ADAMTS6: variants seen among roughly 807,000 people sequenced by gnomAD.
The protein encoded by ADAMTS6 is ADAM metallopeptidase with thrombospondin type 1 motif 6, also known as A disintegrin and metalloproteinase with thrombospondin motifs 6.
Under a neutral mutation model 144.3 loss-of-function variants are expected in ADAMTS6, and 23 were observed. That is an observed-to-expected ratio of 0.16 (90% CI 0.11 to 0.23). The LOEUF (loss-of-function observed/expected upper bound fraction) is 0.23, where lower values mean the gene tolerates loss of function less well. Ranked by LOEUF, ADAMTS6 falls within the 10% of genes least tolerant of loss-of-function variation. ADAMTS6 has a pLI of 1.00. For missense variants in ADAMTS6, 999 were observed against 1,379.6 expected (o/e 0.72, Z 4.37); for synonymous variants, 444 against 457.5 (o/e 0.97, Z 0.38).
intron 11 of ADAMTS6, among the ~76,000 whole-genome samples, chr5:65,284,318 T>C (rs1763203723): frequency 6.6e-6 from 1 of 152,036 alleles, no homozygotes; most frequent in Non-Finnish European, 1.5e-5. Flanking sequence ...AAGAGCTATA[T>C]TCAGGTAGGC....
chr5:65,156,795 G>C (rs139396533), intron 24 of ADAMTS6, among the ~76,000 whole-genome samples: 1 of 152,262 alleles, frequency 6.6e-6, no homozygotes, highest in African/African-American at 2.4e-5. Context: ...TTTTCTCTTC[G>C]ACTATCATCA....
intron 12 of ADAMTS6, among the ~76,000 whole-genome samples, chr5:65,270,144 G>A (rs1164024134): frequency 1.3e-5 from 2 of 152,148 alleles, no homozygotes; most frequent in Non-Finnish European, 2.9e-5. Context: ...TTACTGGGAT[G>A]TCAATTATTT....
chr5:65,393,838 G>A (rs1753117289), intron 7 of ADAMTS6, among the ~76,000 whole-genome samples: 1 of 152,164 alleles, frequency 6.6e-6, no homozygotes, highest in Admixed American at 6.5e-5. Context: ...AGGTTTAAGA[G>A]GATATAAAAA....
At chr5:65,177,550 C>G (rs1458781250) in intron 22 of ADAMTS6, among the ~76,000 whole-genome samples, 1 of 152,130 alleles carries the variant, frequency 6.6e-6, no homozygotes, top group Non-Finnish European at 1.5e-5. Flanking sequence ...TCTTGCCCCC[C>G]AATGTAGAGC....
intron 18 of ADAMTS6, among the ~76,000 whole-genome samples, chr5:65,217,038 C>T (rs756026264): frequency 6.6e-6 from 1 of 152,156 alleles, no homozygotes. Context: ...GTCCTTCATA[C>T]TACAGACCAT....
intron 7 of ADAMTS6, 77 bp from the exon 8 acceptor site, chr5:65,334,162 T>C: frequency 7.0e-7 from 1 of 1,426,684 alleles, no homozygotes. Context: ...CATACTTCTC[T>C]CCTGAAGTTG....
chr5:65,237,264 G>A (rs899650370), intron 15 of ADAMTS6, among the ~76,000 whole-genome samples: 4 of 151,338 alleles, frequency 2.6e-5, no homozygotes, highest in South Asian at 2.1e-4. Context: ...TTTGCCCAGC[G>A]TGGTGCCTAG....
intron 20 of ADAMTS6, among the ~76,000 whole-genome samples, chr5:65,197,632 C>G (rs980341484): frequency 1.3e-5 from 2 of 152,208 alleles, no homozygotes; most frequent in Admixed American, 6.5e-5. Flanking sequence ...GAATACATCA[C>G]ATCCACACAT....
intron 15 of ADAMTS6, among the ~76,000 whole-genome samples, chr5:65,228,001 C>T (rs969478387): frequency 1.3e-5 from 2 of 151,892 alleles, no homozygotes; most frequent in South Asian, 2.1e-4. Flanking sequence ...TGATTTTTAG[C>T]GTTAGGTTAA....
chr5:65,215,191 C>G, intron 19 of ADAMTS6, 133 bp downstream of exon 19: 8 of 1,157,468 alleles, frequency 6.9e-6, no homozygotes, highest in African/African-American at 1.6e-5. Flanking sequence ...CTCTAACACC[C>G]TTGGGTAAAT....
At chr5:65,152,835 T>C (rs1752208699) in intron 24 of ADAMTS6, among the ~76,000 whole-genome samples, 1 of 152,220 alleles carries the variant, frequency 6.6e-6, no homozygotes, top group South Asian at 2.1e-4. Context: ...GTCACTTTTG[T>C]TTGGAGACTT....
intron 7 of ADAMTS6, among the ~76,000 whole-genome samples, chr5:65,338,987 C>A (rs1228666885): frequency 6.6e-6 from 1 of 152,154 alleles, no homozygotes; most frequent in Non-Finnish European, 1.5e-5. Context: ...ATGTCCTGGA[C>A]CTGAGAAATA....
At chr5:65,458,454 C>T (rs561837363) in intron 4 of ADAMTS6, among the ~76,000 whole-genome samples, 1 of 152,324 alleles carries the variant, frequency 6.6e-6, no homozygotes, top group Non-Finnish European at 1.5e-5. Flanking sequence ...CTCTGTCACC[C>T]TGGCTGGAGT....
chr5:65,202,087 G>C (rs1015110404), intron 20 of ADAMTS6, among the ~76,000 whole-genome samples: 4 of 152,162 alleles, frequency 2.6e-5, no homozygotes, highest in African/African-American at 9.7e-5. Flanking sequence ...GGATCTAACA[G>C]CTGGAACCCA....
At chr5:65,160,303 G>A (rs1224654204) in intron 24 of ADAMTS6, among the ~76,000 whole-genome samples, 11 of 148,814 alleles carry the variant, frequency 7.4e-5, no homozygotes, top group Non-Finnish European at 1.3e-4. Context: ...CTCCTTCTCC[G>A]ACTTTCTTTT....
intron 24 of ADAMTS6, among the ~76,000 whole-genome samples, chr5:65,157,019 CTT>C (rs1752464298): frequency 6.6e-6 from 1 of 152,220 alleles, no homozygotes; most frequent in African/African-American, 2.4e-5. Flanking sequence ...GTGGGAATGA[CTT>C]TACGGAGAAT....
intron 20 of ADAMTS6, among the ~76,000 whole-genome samples, chr5:65,212,886 T>C (rs1052616786): frequency 2.0e-5 from 3 of 152,220 alleles, no homozygotes; most frequent in Non-Finnish European, 2.9e-5. Context: ...TAAATTATTC[T>C]TTAATAAGTT....
intron 12 of ADAMTS6, among the ~76,000 whole-genome samples, chr5:65,263,499 T>G (rs1427510380): frequency 6.7e-6 from 1 of 148,964 alleles, no homozygotes; most frequent in African/African-American, 2.5e-5. Flanking sequence ...ACTGCAGACA[T>G]AATAAAAGTA....
intron 7 of ADAMTS6, among the ~76,000 whole-genome samples, chr5:65,334,825 A>T (rs561054726): frequency 1.6e-4 from 25 of 152,288 alleles, no homozygotes; most frequent in Non-Finnish European, 3.1e-4. Context: ...GTCAATATTG[A>T]TATAAACATT....
Sources: allele counts gnomAD v4.1 joint callset (sites outside exome capture counted in the v4.1 genomes callset), GRCh38; gene constraint gnomAD v4.1.1; transcripts MANE v1.5; gene names NCBI Gene and HGNC (gene_info 2026-07-23, HGNC 2026-07-21).